The following SPATA24 variants were observed in gnomAD, a reference collection of about 807,000 sequenced individuals.
SPATA24 encodes the protein spermatogenesis associated 24, also known as spermatogenesis-associated protein 24.
In SPATA24, 21 loss-of-function variants were observed where a neutral mutation model predicts 28.9. The ratio of observed to expected loss-of-function variants is 0.73; its 90% CI spans 0.52 to 1.05. SPATA24 has a LOEUF of 1.05. Ranked by LOEUF, SPATA24 falls within the 50% of genes least tolerant of loss-of-function variation. The probability of loss-of-function intolerance (pLI) is 0.00; values close to 1 mark genes in which losing one functional copy is unlikely to be tolerated. For missense variants in SPATA24, 215 were observed against 242.9 expected (o/e 0.88, Z 0.76); for synonymous variants, 76 against 89.9 (o/e 0.85, Z 0.88).
At position 139,401,739 on chromosome 5, in the gene SPATA24, C is replaced by T. The variant is rs373261975; in HGVS notation, c.385+16G>A. 1.7e-5 allele frequency: 27 copies of T among 1,551,318 alleles called. No individual in the cohort carries two copies. Among genetic ancestry groups the T allele is most frequent in the Non-Finnish European group, 2.0e-5 (23 of 1,146,792 alleles). On this transcript the variant is annotated intron_variant, in intron 4 of 5. Transcript: ENST00000450845. ...GTTTATATAACCGTGGTGGAGAGCACGGGCCTCCCGCCTACCATTGCACTT... is the reference window on the plus strand; with the variant it reads ...GTTTATATAACCGTGGTGGAGAGCATGGGCCTCCCGCCTACCATTGCACTT...
At chr5:139,402,190 C>G in intron 2 of SPATA24, 145 bp from the exon 3 acceptor site, 1 of 993,756 alleles carries the variant, frequency 1.0e-6, no homozygotes, top group Non-Finnish European at 1.4e-6. Flanking sequence ...GCTGGAGGTT[C>G]TCAGAGGCCG....
Position 139,396,927 on chromosome 5 carries a change from T to G in SPATA24, c.491A>C (p.Asn164Thr), listed in dbSNP as rs1758722168. 1 of 1,551,536 alleles carries G rather than the reference T, an allele frequency of 6.4e-7. No homozygotes were observed. The highest frequency in any genetic ancestry group is 1.4e-5 in the African/African-American group (1 of 73,024). Residue 164 changes from asparagine to threonine, a missense_variant and splice_region_variant, in exon 6 of 6, where the codon AAT becomes ACT. Coordinates refer to ENST00000450845, the MANE Select transcript of SPATA24 (RefSeq NM_194296.2). ...CTGGATCCGGAAGTCAGACATGTGA[T>G]TCCTGCAACGGAGCCGGCTGGTGGT... is the stretch of plus-strand genomic sequence containing the variant. ...VISQQKQIFR[N>T]HMSDFRIQKQ...
At chr5:139,399,273 C>G (rs1213954927) in intron 4 of SPATA24, among the ~76,000 whole-genome samples, 1 of 146,914 alleles carries the variant, frequency 6.8e-6, no homozygotes, top group Non-Finnish European at 1.5e-5. Flanking sequence ...GCCGAGATCT[C>G]GACACCGCAC....
chr5:139,393,049 T>G, downstream of SPATA24: 1 of 1,527,052 alleles, frequency 6.5e-7, no homozygotes, highest in Non-Finnish European at 8.8e-7. Flanking sequence ...GGAAGTGTAG[T>G]GAGCCGGGGC....
At chr5:139,392,530 G>T, downstream of SPATA24, 1 of 1,351,698 alleles carries the variant, frequency 7.4e-7, no homozygotes, top group Non-Finnish European at 9.5e-7. The surrounding 1 kb of genome is among the most constrained non-coding windows in gnomAD (Gnocchi z 5.8). Context: ...GGCAGCGCGG[G>T]GCTGGGCTGG....
chr5:139,402,139 A>G (rs1180686177), intron 2 of SPATA24, 94 bp from the exon 3 acceptor site: 2 of 1,442,996 alleles, frequency 1.4e-6, no homozygotes, highest in Non-Finnish European at 1.8e-6. Flanking sequence ...GGACACACAG[A>G]AGCCAGAGCA....
downstream of SPATA24, chr5:139,394,288 G>A: frequency 1.3e-6 from 2 of 1,530,084 alleles, no homozygotes; most frequent in Non-Finnish European, 8.8e-7. Flanking sequence ...GCTGCTCGGG[G>A]CCGGGGCCTC....
At chr5:139,395,554 T>G, downstream of SPATA24, 1 of 157,992 alleles carries the variant, frequency 6.3e-6, no homozygotes, top group Middle Eastern at 3.3e-3. Flanking sequence ...CAGCCCCGGG[T>G]GCCTTAGCAT....
Position 139,404,070 on chromosome 5 carries a change from C to A in SPATA24, c.-10G>T, listed in dbSNP as rs1304764000. ...CGAGGGGCGTCGCCATCTTCCGCCCCCGCCAGCTAGTTGGAAATGGCTGCC... is the reference window on the plus strand; with the variant it reads ...CGAGGGGCGTCGCCATCTTCCGCCCACGCCAGCTAGTTGGAAATGGCTGCC... On this transcript the variant is annotated 5_prime_UTR_variant, in exon 1 of 6. Transcript: ENST00000450845. The A allele has an allele frequency of 1.9e-6, 3 of 1,549,928 alleles. No homozygotes were observed. The South Asian group carries it at 3.6e-5, about 18-fold the overall frequency.
At chr5:139,396,742 G>C (rs1268057410), downstream of SPATA24, 1 of 1,551,140 alleles carries the variant, frequency 6.4e-7, no homozygotes, top group South Asian at 1.2e-5. Flanking sequence ...GGGACTCCCA[G>C]AGCAGAGAAG....
intron 4 of SPATA24, 99 bp from the exon 5 acceptor site, chr5:139,397,242 C>G: frequency 1.2e-6 from 1 of 860,036 alleles, no homozygotes; most frequent in Non-Finnish European, 1.9e-6. Flanking sequence ...GCTTGGCTCC[C>G]CACCCAAGAG....
At chr5:139,393,059 C>A, downstream of SPATA24, 1 of 1,530,604 alleles carries the variant, frequency 6.5e-7, no homozygotes, top group Middle Eastern at 1.7e-4. Flanking sequence ...TGAGCCGGGG[C>A]GGGGGGCCCC....
At chr5:139,394,199 C>G (rs1371821276), downstream of SPATA24, 2 of 1,548,428 alleles carry the variant, frequency 1.3e-6, no homozygotes, top group African/African-American at 1.4e-5. Flanking sequence ...CGAGACTTAG[C>G]CTTCTCCAGG....
intron 2 of SPATA24, 79 bp from the exon 3 acceptor site, chr5:139,402,124 C>T (rs552723790): frequency 2.4e-5 from 35 of 1,481,292 alleles, no homozygotes; most frequent in Non-Finnish European, 2.5e-5. Context: ...CCCCCCTTCT[C>T]AGAGGGACAC....
downstream of SPATA24, chr5:139,396,719 G>C (rs779017269): frequency 1.9e-6 from 3 of 1,549,758 alleles, no homozygotes; most frequent in Non-Finnish European, 2.6e-6. Context: ...GAAGTAGCAG[G>C]GGCTAGAGGC....
At chr5:139,402,118 C>A in intron 2 of SPATA24, 73 bp from the exon 3 acceptor site, 1 of 1,495,126 alleles carries the variant, frequency 6.7e-7, no homozygotes. Flanking sequence ...AACCAGCCCC[C>A]CTTCTCAGAG....
At chr5:139,394,457 G>GA, downstream of SPATA24, 1 of 1,400,574 alleles carries the variant, frequency 7.1e-7, no homozygotes, top group Non-Finnish European at 9.2e-7. Context: ...AGCTCGATCT[G>GA]ACGCTTGGGC....
At chr5:139,402,902 C>T (rs2152079786) in intron 1 of SPATA24, among the ~76,000 whole-genome samples, 1 of 152,330 alleles carries the variant, frequency 6.6e-6, no homozygotes, top group South Asian at 2.1e-4. Flanking sequence ...ATGGAGGAGG[C>T]AGTCCACAGT....
rs1758827500 is a variant in SPATA24 at position 139,401,802 on chromosome 5, A to T, written c.338T>A (p.Val113Asp). Residue 113 changes from valine to aspartate, a missense_variant, in exon 4 of 6, where the codon GTC (valine) becomes GAC (aspartate). Val to Asp is a radical substitution (Grantham distance 152). Coordinates refer to ENST00000450845, the MANE Select transcript of SPATA24 (RefSeq NM_194296.2). ...GTCCTTCTTGCTGGACTCCTGAAGG[A>T]CTTTGCTCTTGACACTGGAGAGCCT... is the stretch of plus-strand genomic sequence containing the variant. ...EKALSSVKSKVLQESSKKDQL... is the reference protein window; with the variant it reads ...EKALSSVKSKDLQESSKKDQL... 1 of 1,551,296 alleles carries T rather than the reference A, an allele frequency of 6.4e-7. No individual in the cohort carries two copies. The highest frequency in any genetic ancestry group is 8.7e-7 in the Non-Finnish European group (1 of 1,146,910).
Sources: allele counts gnomAD v4.1 joint callset (sites outside exome capture counted in the v4.1 genomes callset), GRCh38; gene constraint gnomAD v4.1.1; non-coding constraint Gnocchi (gnomAD v3.1); transcripts MANE v1.5; gene names NCBI Gene and HGNC (gene_info 2026-07-23, HGNC 2026-07-21).